The following COL27A1 variants were observed in gnomAD, a reference collection of about 807,000 sequenced individuals.
COL27A1 encodes the protein collagen alpha-1(XXVII) chain.
Under a neutral mutation model 251.3 loss-of-function variants are expected in COL27A1, and 106 were observed. The observed-to-expected ratio is 0.42, with a 90% CI of 0.36 to 0.50. The LOEUF is 0.50. Ranked by LOEUF, COL27A1 falls within the 20% of genes least tolerant of loss-of-function variation. The probability of loss-of-function intolerance (pLI) is 0.00; values close to 1 mark genes in which losing one functional copy is unlikely to be tolerated. For synonymous variants in COL27A1, 1,000 were observed against 986.3 expected (o/e 1.01, Z -0.26); for missense variants, 2,325 against 2,522.8 (o/e 0.92, Z 1.68).
chr9:114,172,462 C>T (rs903349386), intron 3 of COL27A1, among the ~76,000 whole-genome samples: 43 of 152,190 alleles, frequency 2.8e-4, no homozygotes, highest in African/African-American at 1.0e-3. Flanking sequence ...GCTCCCACCT[C>T]TGGTGGGGAG....
intron 2 of COL27A1, among the ~76,000 whole-genome samples, chr9:114,165,002 C>T (rs754804764): frequency 1.3e-5 from 2 of 152,196 alleles, no homozygotes; most frequent in African/African-American, 4.8e-5. Context: ...TCTTGTCTTA[C>T]AGGCAGGGAA....
intron 12 of COL27A1, among the ~76,000 whole-genome samples, chr9:114,216,195 A>G (rs1404042052): frequency 6.6e-6 from 1 of 152,204 alleles, no homozygotes; most frequent in African/African-American, 2.4e-5. Flanking sequence ...TTCTGCTCCA[A>G]GTATGAAGTG....
intron 15 of COL27A1, 98 bp from the exon 16 acceptor site, chr9:114,231,724 C>A: frequency 8.2e-7 from 1 of 1,220,826 alleles, no homozygotes. Flanking sequence ...GTTGGGGGAT[C>A]TAGCACGGGG....
chr9:114,183,871 T>A (rs144849949), intron 5 of COL27A1, among the ~76,000 whole-genome samples: 14 of 152,296 alleles, frequency 9.2e-5, no homozygotes, highest in African/African-American at 3.4e-4. Context: ...TAGTGGCTGA[T>A]GCTTTGATGA....
rs1829299435 is a variant in COL27A1 at position 114,309,469 on chromosome 9, T to C, written c.5427T>C (p.Asp1809=). 1 of 1,613,536 alleles carries C rather than the reference T, an allele frequency of 6.2e-7. No homozygotes were observed. Among genetic ancestry groups the C allele is most frequent in the African/African-American group, 1.3e-5 (1 of 75,036 alleles). Residue 1809 remains aspartate, a synonymous_variant, in exon 60 of 61, where the codon GAT becomes GAC. Transcript: ENST00000356083. ...GGQFRPEVSM[D]GCKVQDGRWH... is the part of the protein sequence containing the mutation. Reference sequence around the variant, plus strand: ...AGTTCCGGCCCGAGGTGTCCATGGATGGCTGCAAGGTAACTCTCAGAGCCC... The same window carrying C: ...AGTTCCGGCCCGAGGTGTCCATGGACGGCTGCAAGGTAACTCTCAGAGCCC...
rs533089537 is a variant in COL27A1, at chr9:114,182,941, G to T, written c.1963-81G>T. Reference sequence around the variant, plus strand: ...AAGATAAACCAGTGGGTGGAGGGAAGGTGCCAGGCATTGCTGTCAGAGGCG... The same window carrying T: ...AAGATAAACCAGTGGGTGGAGGGAATGTGCCAGGCATTGCTGTCAGAGGCG... On this transcript the variant is annotated intron_variant, in intron 4 of 60. Coordinates refer to ENST00000356083, the MANE Select transcript of COL27A1 (RefSeq NM_032888.4). The T allele has an allele frequency of 6.2e-5, 73 of 1,182,744 alleles. No individual in the cohort carries two copies. In the East Asian group the frequency reaches 1.5e-3, roughly 24 times the overall value. The allele number at this position is 1,182,744 out of a possible 1,614,324, so 73.3% of individuals were successfully genotyped here. A position where few individuals can be genotyped will look rare whatever the true frequency, so the allele number is the denominator to read the frequency against.
intron 1 of COL27A1, among the ~76,000 whole-genome samples, chr9:114,157,116 G>GCGCGC (rs751746643): frequency 6.7e-6 from 1 of 148,840 alleles, no homozygotes; most frequent in African/African-American, 2.5e-5. Context: ...ACGCGCGCGC[G>GCGCGC]GCACCAGTGA....
intron 3 of COL27A1, among the ~76,000 whole-genome samples, chr9:114,176,695 G>A (rs1449327639): frequency 2.0e-5 from 3 of 152,118 alleles, no homozygotes; most frequent in Non-Finnish European, 2.9e-5. Flanking sequence ...GAACTCTGCC[G>A]CCAATTTGGC....
At chr9:114,161,448 A>G (rs1848490505) in intron 1 of COL27A1, among the ~76,000 whole-genome samples, 1 of 152,166 alleles carries the variant, frequency 6.6e-6, no homozygotes, top group Admixed American at 6.5e-5. Flanking sequence ...TGCTGTGGGC[A>G]TGTAATCACC....
chr9:114,199,873 C>G (rs1225945131), intron 7 of COL27A1, among the ~76,000 whole-genome samples: 1 of 152,228 alleles, frequency 6.6e-6, no homozygotes, highest in Non-Finnish European at 1.5e-5. Context: ...CAAGTCCTGA[C>G]ACAGCCCCTG....
At chr9:114,187,131 C>T (rs1370132049) in intron 5 of COL27A1, among the ~76,000 whole-genome samples, 1 of 152,256 alleles carries the variant, frequency 6.6e-6, no homozygotes, top group Non-Finnish European at 1.5e-5. Context: ...TGGCTGCTGG[C>T]AGAGCTAGTG....
intron 3 of COL27A1, among the ~76,000 whole-genome samples, chr9:114,175,308 A>G (rs1827331964): frequency 2.0e-5 from 3 of 151,970 alleles, no homozygotes. Context: ...GGAAAATCCC[A>G]CCCCGGCCTC....
intron 55 of COL27A1, 124 bp downstream of exon 55, chr9:114,301,841 C>T (rs1161676682): frequency 2.0e-6 from 2 of 1,013,708 alleles, no homozygotes; most frequent in African/African-American, 1.6e-5. Flanking sequence ...AGCCCACAGA[C>T]TCCTAGGAGA....
rs116007699 is a variant in COL27A1 at position 114,199,320 on chromosome 9, C to T, written c.2124+3308C>T. 7.3e-3 allele frequency among the ~76,000 whole-genome samples: 1,119 copies of T among 152,246 alleles called. 14 individuals carry two copies. The highest frequency in any genetic ancestry group is 0.024 in the African/African-American group (983 of 41,530). On this transcript the variant is annotated intron_variant, in intron 7 of 60. Coordinates refer to ENST00000356083, the MANE Select transcript of COL27A1 (RefSeq NM_032888.4). The stretch of plus-strand genomic sequence containing the variant: ...ATACTGCTAAACATTCTGCAGTGCA[C>T]GAGATAGCCCTTCCCTCCCATACAC...
intron 25 of COL27A1, among the ~76,000 whole-genome samples, chr9:114,251,429 C>T (rs149110930): frequency 2.2e-4 from 33 of 152,192 alleles, no homozygotes; most frequent in Middle Eastern, 3.4e-3. Flanking sequence ...CCTCCTCCCT[C>T]GCTTCCCCCT....
At chr9:114,275,378 C>A (rs933929023) in intron 36 of COL27A1, among the ~76,000 whole-genome samples, 1 of 152,184 alleles carries the variant, frequency 6.6e-6, no homozygotes, top group Admixed American at 6.5e-5. Context: ...GTCAGGACCC[C>A]GGCTTATCTC....
chr9:114,206,324 G>C (rs1438787489), intron 10 of COL27A1, 28 bp downstream of exon 10: 1 of 1,613,050 alleles, frequency 6.2e-7, no homozygotes, highest in South Asian at 1.1e-5. Context: ...AGTGCCACAT[G>C]GGTGGGGTTC....
intron 25 of COL27A1, among the ~76,000 whole-genome samples, chr9:114,252,288 T>C (rs1833593230): frequency 6.6e-6 from 1 of 152,100 alleles, no homozygotes; most frequent in South Asian, 2.1e-4. Flanking sequence ...TGGGCCAGGA[T>C]CAAAGGGGAC....
At chr9:114,260,215 A>C (rs10732377) in intron 28 of COL27A1, among the ~76,000 whole-genome samples, 78,620 of 151,778 alleles carry the variant, frequency 0.52, 20,443 homozygotes, top group East Asian at 0.6. Flanking sequence ...AGTGGCTTGA[A>C]GAACGTATTC....
Sources: allele counts gnomAD v4.1 joint callset (sites outside exome capture counted in the v4.1 genomes callset), GRCh38; gene constraint gnomAD v4.1.1; transcripts MANE v1.5; gene names NCBI Gene and HGNC (gene_info 2026-07-23, HGNC 2026-07-21).